The following BACH2 variants were observed in gnomAD, a reference collection of about 807,000 sequenced individuals.
The protein encoded by BACH2 is BACH transcriptional regulator 2.
Under a neutral mutation model 61.8 loss-of-function variants are expected in BACH2, and 5 were observed. The ratio of observed to expected loss-of-function variants is 0.08; its 90% CI spans 0.04 to 0.17. BACH2 has a LOEUF of 0.17. BACH2 is among the 10% of genes least tolerant of loss of function. BACH2 has a pLI of 1.00. For missense variants in BACH2, 824 were observed against 1,091.1 expected (o/e 0.76, Z 3.45); for synonymous variants, 446 against 440.1 (o/e 1.01, Z -0.17).
rs544774603 is a variant in BACH2, at chr6:90,144,056, C to T, written c.-161-54947G>A. On this transcript the variant is annotated intron_variant, in intron 4 of 8. Coordinates refer to ENST00000257749, the MANE Select transcript of BACH2 (RefSeq NM_021813.4). ...TCACACCAAGCACTTAATAAGTATT[C>T]GTTGGATGAATGTCATCCTGAAAAA... Among the ~76,000 whole-genome samples the T allele has an allele frequency of 9.9e-5, 15 of 152,262 alleles. No individual in the cohort carries two copies. The South Asian group carries it at 1.9e-3, about 19-fold the overall frequency.
At chr6:89,973,662 T>C (rs937616924) in intron 6 of BACH2, among the ~76,000 whole-genome samples, 1 of 152,116 alleles carries the variant, frequency 6.6e-6, no homozygotes, top group Non-Finnish European at 1.5e-5. Context: ...GATAAGGACA[T>C]GGGTATCTTT....
intron 3 of BACH2, among the ~76,000 whole-genome samples, chr6:90,246,168 T>C (rs1483998130): frequency 6.6e-6 from 1 of 152,182 alleles, no homozygotes; most frequent in East Asian, 1.9e-4. Flanking sequence ...ACATAAACTC[T>C]AGGATTCCAA....
intron 5 of BACH2, among the ~76,000 whole-genome samples, chr6:90,060,252 T>C (rs910661441): frequency 6.6e-6 from 1 of 152,178 alleles, no homozygotes; most frequent in Non-Finnish European, 1.5e-5. Flanking sequence ...CCATTCTGCA[T>C]ATTTTTGTTG....
intron 5 of BACH2, among the ~76,000 whole-genome samples, chr6:90,075,619 A>G (rs1562423834): frequency 6.6e-6 from 1 of 152,124 alleles, no homozygotes; most frequent in African/African-American, 2.4e-5. Flanking sequence ...GTCAAATCCA[A>G]GATATTATTA....
At chr6:90,241,274 A>C (rs1249311345) in intron 3 of BACH2, among the ~76,000 whole-genome samples, 1 of 152,160 alleles carries the variant, frequency 6.6e-6, no homozygotes, top group Non-Finnish European at 1.5e-5. Flanking sequence ...TCTCAATGGC[A>C]GACACTAGCC....
At chr6:90,056,298 CA>C (rs1413080026) in intron 5 of BACH2, among the ~76,000 whole-genome samples, 1 of 150,936 alleles carries the variant, frequency 6.6e-6, no homozygotes, top group African/African-American at 2.5e-5. Flanking sequence ...AAATGGAAAA[CA>C]AAAAAAGGCA....
At chr6:90,066,127 G>A (rs1026787410) in intron 5 of BACH2, among the ~76,000 whole-genome samples, 4 of 152,304 alleles carry the variant, frequency 2.6e-5, no homozygotes, top group Non-Finnish European at 4.4e-5. Flanking sequence ...GGTTCCCAGA[G>A]TCCAGTGCAG....
intron 4 of BACH2, among the ~76,000 whole-genome samples, chr6:90,105,498 A>G (rs1782861555): frequency 6.6e-6 from 1 of 152,254 alleles, no homozygotes; most frequent in Non-Finnish European, 1.5e-5. Context: ...GAGACAAACC[A>G]GCAGTAGTTA....
chr6:90,054,067 T>C (rs1780193405), intron 5 of BACH2, among the ~76,000 whole-genome samples: 1 of 152,212 alleles, frequency 6.6e-6, no homozygotes, highest in South Asian at 2.1e-4. Context: ...GATTTCTGCA[T>C]TTCCAACTGA....
intron 4 of BACH2, among the ~76,000 whole-genome samples, chr6:90,114,850 C>T (rs1783325249): frequency 6.6e-6 from 1 of 152,088 alleles, no homozygotes; most frequent in South Asian, 2.1e-4. Context: ...ACAAAAATCA[C>T]TAGCATTCCT....
chr6:90,030,676 G>C (rs1274888960), intron 5 of BACH2, among the ~76,000 whole-genome samples: 2 of 152,130 alleles, frequency 1.3e-5, no homozygotes, highest in African/African-American at 2.4e-5. Flanking sequence ...TCTCTGAATA[G>C]ACCAATAACA....
intron 4 of BACH2, among the ~76,000 whole-genome samples, chr6:90,113,619 T>G (rs1783272891): frequency 6.6e-6 from 1 of 151,904 alleles, no homozygotes; most frequent in Non-Finnish European, 1.5e-5. Flanking sequence ...GCACTAAATG[T>G]TCACATCAAA....
chr6:90,235,011 A>G (rs750494150), intron 3 of BACH2, among the ~76,000 whole-genome samples: 2 of 152,224 alleles, frequency 1.3e-5, no homozygotes, highest in African/African-American at 2.4e-5. Flanking sequence ...ACCCATCATC[A>G]TAGTCAGCAA....
Position 90,029,768 on chromosome 6 carries a change from G to A in BACH2, c.-12-20912C>T, listed in dbSNP as rs137998195. ...CCTGTTTCTTCACACATATCCCTAC[G>A]CTCTCCAGAGCTGCTTGTCTTTTCT... On this transcript the variant is annotated intron_variant, in intron 5 of 8. Coordinates refer to ENST00000257749, the MANE Select transcript of BACH2 (RefSeq NM_021813.4). Among the ~76,000 whole-genome samples, 188 of 152,162 alleles carry A rather than the reference G, an allele frequency of 1.2e-3. 1 individual carries two copies. Among genetic ancestry groups the A allele is most frequent in the African/African-American group, 4.0e-3 (166 of 41,520 alleles).
intron 4 of BACH2, among the ~76,000 whole-genome samples, chr6:90,124,143 G>A (rs970726801): frequency 1.3e-5 from 2 of 152,148 alleles, no homozygotes; most frequent in African/African-American, 2.4e-5. Flanking sequence ...TAAAAATGAT[G>A]GGCCCAGGTG....
intron 6 of BACH2, among the ~76,000 whole-genome samples, chr6:89,975,379 A>T (rs891408198): frequency 6.6e-5 from 10 of 152,178 alleles, no homozygotes; most frequent in Non-Finnish European, 1.3e-4. Context: ...GACTTTAACA[A>T]TTTCATTTTT....
At chr6:90,243,186 GC>G (rs1157991432) in intron 3 of BACH2, among the ~76,000 whole-genome samples, 1 of 151,132 alleles carries the variant, frequency 6.6e-6, no homozygotes, top group Non-Finnish European at 1.5e-5. Flanking sequence ...GAGCCAATGT[GC>G]CCGGCCCAAA....
chr6:89,994,052 T>C (rs1250306955), intron 6 of BACH2, among the ~76,000 whole-genome samples: 2 of 152,218 alleles, frequency 1.3e-5, no homozygotes, highest in African/African-American at 2.4e-5. Context: ...GTGTACATTA[T>C]GCTTATTGAG....
intron 2 of BACH2, among the ~76,000 whole-genome samples, chr6:90,260,370 C>T (rs1425421651): frequency 6.6e-6 from 1 of 152,132 alleles, no homozygotes; most frequent in Non-Finnish European, 1.5e-5. Flanking sequence ...AAGATTCCTC[C>T]TGTCACTGAT....
Sources: gnomAD v4.1 joint callset for allele counts (sites outside exome capture counted in the v4.1 genomes callset) on GRCh38, gnomAD v4.1.1 for gene constraint, MANE v1.5 for transcripts, NCBI Gene and HGNC (gene_info 2026-07-23, HGNC 2026-07-21) for gene names.